CHRDL2: variants seen among roughly 807,000 people sequenced by gnomAD.
CHRDL2 encodes chordin-like protein 2.
A neutral mutation model predicts 54.3 loss-of-function variants in CHRDL2; 41 were observed. The observed-to-expected ratio is 0.76, with a 90% CI of 0.59 to 0.98. The LOEUF (loss-of-function observed/expected upper bound fraction) is 0.98. Among genes scored for constraint, CHRDL2 ranks in the 50% least tolerant of loss-of-function variants. The pLI is 0.00. For synonymous variants in CHRDL2, 220 were observed against 224.3 expected (o/e 0.98, Z 0.17); for missense variants, 518 against 562.4 (o/e 0.92, Z 0.80).
intron 7 of CHRDL2, 116 bp from the exon 8 acceptor site, chr11:74,703,615 T>G: frequency 1.2e-6 from 1 of 841,140 alleles, no homozygotes. Flanking sequence ...CAGTCCTGCC[T>G]AGCCACACTG....
In CHRDL2 at chr11:74,718,542, C is replaced by T. The variant is rs576884138; in HGVS notation, c.195+178G>A. Reference sequence around the variant, plus strand: ...TTGTGTGACTTATCTTTGGGAGGTACACAGTAGCCATCTAATCCTATATAT... The same window carrying T: ...TTGTGTGACTTATCTTTGGGAGGTATACAGTAGCCATCTAATCCTATATAT... On this transcript the variant is annotated intron_variant, in intron 2 of 10. Coordinates refer to ENST00000376332, the MANE Select transcript of CHRDL2 (RefSeq NM_001278473.3). 3.3e-5 allele frequency among the ~76,000 whole-genome samples: 5 copies of T among 152,328 alleles called. No individual in the cohort carries two copies. The East Asian group carries it at 9.6e-4, about 29-fold the overall frequency.
chr11:74,707,111 C>A (rs564320918), intron 5 of CHRDL2, among the ~76,000 whole-genome samples: 1 of 152,318 alleles, frequency 6.6e-6, no homozygotes, highest in Non-Finnish European at 1.5e-5. Flanking sequence ...TTCCTAAACC[C>A]GAGTGGGCCT....
In CHRDL2 at chr11:74,708,407, A is replaced by T; in HGVS notation, c.433-12T>A. On this transcript the variant is annotated splice_polypyrimidine_tract_variant and intron_variant, in intron 4 of 10. Coordinates refer to ENST00000376332, the MANE Select transcript of CHRDL2 (RefSeq NM_001278473.3). Reference sequence around the variant, plus strand: ...TAGATCTGGCCCTCCTGACAGATAGAGCAAACCAGCTGGGAAATGAGCTCT... The same window carrying T: ...TAGATCTGGCCCTCCTGACAGATAGTGCAAACCAGCTGGGAAATGAGCTCT... 1.3e-6 allele frequency: 2 copies of T among 1,552,430 alleles called. No individual in the cohort carries two copies. Among genetic ancestry groups the T allele is most frequent in the Non-Finnish European group, 1.7e-6 (2 of 1,151,482 alleles).
intron 1 of CHRDL2, chr11:74,720,160 C>T (rs2034470807): frequency 1.3e-5 from 2 of 152,504 alleles, no homozygotes; most frequent in South Asian, 2.1e-4. Flanking sequence ...ATCTCATTAA[C>T]ATTATTGTTT....
At chr11:74,704,700 G>A in intron 6 of CHRDL2, 46 bp from the exon 7 acceptor site, 2 of 1,575,296 alleles carry the variant, frequency 1.3e-6, no homozygotes, top group Non-Finnish European at 8.6e-7. Flanking sequence ...AGCATAGCAG[G>A]CCCCAGCTGG....
chr11:74,706,374 G>T, intron 6 of CHRDL2, 113 bp downstream of exon 6: 1 of 1,045,670 alleles, frequency 9.6e-7, no homozygotes, highest in Non-Finnish European at 1.5e-6. Context: ...CAACCCAGGG[G>T]ACAAACAAGA....
chr11:74,720,598 G>C (rs1257598914), intron 1 of CHRDL2, among the ~76,000 whole-genome samples: 1 of 131,668 alleles, frequency 7.6e-6, no homozygotes, highest in Non-Finnish European at 1.7e-5. Flanking sequence ...TGCCTCTCAT[G>C]CCTCCTTCTC....
rs146411227 is a variant in CHRDL2, at chr11:74,703,477, C to G, written c.774G>C (p.Thr258=). The change falls in exon 8 of 11, where the codon ACG becomes ACC. Residue 258 remains threonine (T), a synonymous_variant. Transcript: ENST00000376332. ...GGTGCCACACCTCCCCGTGGGAGTA[C>G]GTCTTCCCGCCATGCACACAGGCTG... ...HKKACVHGGK[T]YSHGEVWHPA... 4.2e-5 allele frequency: 68 copies of G among 1,604,556 alleles called. No individual in the cohort carries two copies. In the African/African-American group the frequency reaches 8.2e-4, roughly 19 times the overall value.
chr11:74,701,578 C>T (rs756289259), intron 9 of CHRDL2: 16 of 716,686 alleles, frequency 2.2e-5, no homozygotes, highest in Middle Eastern at 2.3e-4. Flanking sequence ...CTCTAGCTCC[C>T]GTCCTCCACT....
At chr11:74,703,018 CT>C in intron 8 of CHRDL2, 51 bp from the exon 9 acceptor site, 2 of 1,497,864 alleles carry the variant, frequency 1.3e-6, no homozygotes, top group Non-Finnish European at 1.8e-6. Context: ...GGCTGTACCT[CT>C]TCAAAGCTCT....
intron 1 of CHRDL2, among the ~76,000 whole-genome samples, chr11:74,730,272 G>T (rs1026379750): frequency 6.6e-6 from 1 of 152,098 alleles, no homozygotes; most frequent in Non-Finnish European, 1.5e-5. Context: ...TTCTGGCTTT[G>T]GATGGCTTAC....
chr11:74,722,371 G>C (rs146887331), intron 1 of CHRDL2, among the ~76,000 whole-genome samples: 1 of 152,188 alleles, frequency 6.6e-6, no homozygotes, highest in African/African-American at 2.4e-5. Context: ...TGTGGATTTG[G>C]CTTTTATTTG....
intron 9 of CHRDL2, 123 bp downstream of exon 9, chr11:74,702,671 A>C (rs1769519952): frequency 2.1e-6 from 2 of 932,838 alleles, no homozygotes; most frequent in Middle Eastern, 3.3e-4. Context: ...GGGGCTCTTA[A>C]ACCTGGCGGG....
At chr11:74,724,917 G>C (rs527706279) in intron 1 of CHRDL2, among the ~76,000 whole-genome samples, 89 of 152,188 alleles carry the variant, frequency 5.8e-4, no homozygotes, top group Non-Finnish European at 1.1e-3. Context: ...AATCAATGAT[G>C]AAAGAACAGA....
In CHRDL2 at chr11:74,713,457, C is replaced by T. The variant is rs146453433; in HGVS notation, c.218G>A (p.Arg73His). The T allele has an allele frequency of 5.9e-5, 96 of 1,613,976 alleles. No individual in the cohort carries two copies. Among genetic ancestry groups the T allele is most frequent in the South Asian group, 1.3e-4 (12 of 91,086 alleles). The change falls in exon 3 of 11, where the codon CGC (arginine) becomes CAC (histidine). Residue 73 changes from arginine to histidine, a missense_variant. Coordinates refer to ENST00000376332, the MANE Select transcript of CHRDL2 (RefSeq NM_001278473.3). The part of the protein sequence containing the change: ...CSEGAHVSCY[R>H]LHCPPVHCPQ... ...GCAGTGGACAGGCGGACAGTGGAGG[C>T]GGTAACAACTCACATGGGCGCCCTG... is the stretch of plus-strand genomic sequence containing the variant.
chr11:74,710,437 AATTTCC>A lies in CHRDL2; in HGVS notation c.432+406_432+411del, dbSNP rs919987109. Among the ~76,000 whole-genome samples, 19 of 152,280 alleles carry A rather than the reference AATTTCC, an allele frequency of 1.2e-4. 1 individual carries two copies. In the South Asian group the frequency reaches 3.9e-3, roughly 32 times the overall value. ...GGAGGAGTTTAAGTAGCTTCAGATT[AATTTCC>A]ATTTGCTACAGATAATCTGGCCCTG... On this transcript the variant is annotated intron_variant, in intron 4 of 10. Coordinates refer to ENST00000376332, the MANE Select transcript of CHRDL2 (RefSeq NM_001278473.3).
chr11:74,727,715 A>T (rs953711169), intron 1 of CHRDL2, among the ~76,000 whole-genome samples: 1 of 152,094 alleles, frequency 6.6e-6, no homozygotes, highest in African/African-American at 2.4e-5. Context: ...CCATGTTTTT[A>T]CTTGGTAACT....
In CHRDL2 at chr11:74,701,676, C is replaced by T. The variant is rs2033816987; in HGVS notation, c.1120+1118G>A. ...AAAATGGGGATAATAATATCTAACT[C>T]TCAGGATCGTTGAGGATCAAATGAG... On this transcript the variant is annotated intron_variant, in intron 9 of 10. Transcript: ENST00000376332. 3 of 702,864 alleles carry T rather than the reference C, an allele frequency of 4.3e-6. No homozygotes were observed. In the South Asian group the frequency reaches 4.5e-5, roughly 11 times the overall value. The allele number at this position is 702,864 out of a possible 1,614,324, so 43.5% of individuals were successfully genotyped here. A position where few individuals can be genotyped will look rare whatever the true frequency, so the allele number is the denominator to read the frequency against.
At chr11:74,709,664 C>A (rs1189891368) in intron 4 of CHRDL2, among the ~76,000 whole-genome samples, 1 of 152,164 alleles carries the variant, frequency 6.6e-6, no homozygotes, top group Admixed American at 6.5e-5. Context: ...ACTGATGGGA[C>A]CCTGTCACTG....
Sources: allele counts gnomAD v4.1 joint callset (sites outside exome capture counted in the v4.1 genomes callset), GRCh38; gene constraint gnomAD v4.1.1; transcripts MANE v1.5; gene names NCBI Gene and HGNC (gene_info 2026-07-23, HGNC 2026-07-21).